The following SPDYA variants were observed in gnomAD, a reference collection of about 807,000 sequenced individuals.
SPDYA encodes speedy/RINGO cell cycle regulator family member A.
Under a neutral mutation model 36.7 loss-of-function variants are expected in SPDYA, and 11 were observed. That is an observed-to-expected ratio of 0.30 (90% CI 0.19 to 0.50). The LOEUF (loss-of-function observed/expected upper bound fraction) is 0.50, where lower values mean the gene tolerates loss of function less well. Ranked by LOEUF, SPDYA falls within the 20% of genes least tolerant of loss-of-function variation. The pLI is 0.98. For synonymous variants in SPDYA, 115 were observed against 118.7 expected (o/e 0.97, Z 0.20); for missense variants, 287 against 370.9 (o/e 0.77, Z 1.86).
chr2:28,842,685 T>C (rs1456804603), intron 7 of SPDYA, among the ~76,000 whole-genome samples: 1 of 152,178 alleles, frequency 6.6e-6, no homozygotes, highest in Admixed American at 6.6e-5. Context: ...ACTGTAAAAC[T>C]CTTTGTTTCA....
At chr2:28,841,114 T>C (rs987957977) in intron 7 of SPDYA, among the ~76,000 whole-genome samples, 2 of 151,882 alleles carry the variant, frequency 1.3e-5, no homozygotes, top group Admixed American at 6.6e-5. Context: ...TTTGTGTTTT[T>C]AGTAGTGAGG....
intron 7 of SPDYA, among the ~76,000 whole-genome samples, chr2:28,841,021 G>A (rs541521196): frequency 7.1e-6 from 1 of 140,198 alleles, no homozygotes; most frequent in East Asian, 2.4e-4. Flanking sequence ...TGCAGCCTCC[G>A]CCTCCCAGGT....
chr2:28,823,450 C>A (rs1668221715), intron 5 of SPDYA, among the ~76,000 whole-genome samples: 1 of 151,364 alleles, frequency 6.6e-6, no homozygotes, highest in East Asian at 2.0e-4. Flanking sequence ...TGGTTGAAAG[C>A]CTGTCTCTAC....
At chr2:28,837,056 C>T (rs1217126542) in intron 6 of SPDYA, among the ~76,000 whole-genome samples, 1 of 152,172 alleles carries the variant, frequency 6.6e-6, no homozygotes, top group African/African-American at 2.4e-5. Flanking sequence ...CTATCTATTA[C>T]TTGATTCCAG....
At chr2:28,835,495 C>T (rs752219711) in intron 6 of SPDYA, among the ~76,000 whole-genome samples, 1 of 152,120 alleles carries the variant, frequency 6.6e-6, no homozygotes, top group Non-Finnish European at 1.5e-5. Context: ...CCTCAGCCTC[C>T]CAGAGTGCTG....
At chr2:28,831,325 T>G (rs964308173) in intron 6 of SPDYA, among the ~76,000 whole-genome samples, 1 of 152,060 alleles carries the variant, frequency 6.6e-6, no homozygotes, top group African/African-American at 2.4e-5. Context: ...GCCACTGCCC[T>G]CCAGCCTCAG....
chr2:28,849,168 T>C (rs899391077), intron 7 of SPDYA, among the ~76,000 whole-genome samples: 6 of 152,186 alleles, frequency 3.9e-5, no homozygotes, highest in African/African-American at 1.4e-4. Context: ...AAGTTGTCCA[T>C]AGTAAGTGAA....
At chr2:28,830,343 A>G (rs1269599697) in intron 6 of SPDYA, among the ~76,000 whole-genome samples, 1 of 151,218 alleles carries the variant, frequency 6.6e-6, no homozygotes, top group Non-Finnish European at 1.5e-5. Context: ...AGCTGGGACT[A>G]CAGGCGCCCG....
rs1173275026 is a variant in SPDYA at position 28,816,106 on chromosome 2, C to G, written c.92C>G (p.Pro31Arg). Residue 31 changes from proline to arginine, a missense_variant, in exon 3 of 8, where the codon CCC becomes CGC. Transcript: ENST00000334056. The part of the protein sequence containing the change: ...GSNRSHQPKK[P>R]ITLKRPICKD... ...AATAGATCACATCAGCCTAAAAAGCCCATTACTCTGAAGCGTCCTATTTGT... is the reference window on the plus strand; with the variant it reads ...AATAGATCACATCAGCCTAAAAAGCGCATTACTCTGAAGCGTCCTATTTGT... 5 of 1,613,814 alleles carry G rather than the reference C, an allele frequency of 3.1e-6. No homozygotes were observed. The highest frequency in any genetic ancestry group is 3.4e-6 in the Non-Finnish European group (4 of 1,179,984).
intron 5 of SPDYA, among the ~76,000 whole-genome samples, chr2:28,823,794 G>A: frequency 2.5e-5 from 3 of 121,442 alleles, no homozygotes; most frequent in Non-Finnish European, 5.1e-5. Flanking sequence ...CACCCAGGCT[G>A]GAGTGCAGTG....
At chr2:28,812,613 T>G (rs1384954197) in intron 1 of SPDYA, among the ~76,000 whole-genome samples, 2 of 151,800 alleles carry the variant, frequency 1.3e-5, no homozygotes, top group Admixed American at 1.3e-4. Context: ...TCCCAGCGCT[T>G]TGGGAGGCCG....
chr2:28,828,489 A>T (rs1668389610), intron 5 of SPDYA, among the ~76,000 whole-genome samples: 1 of 152,214 alleles, frequency 6.6e-6, no homozygotes, highest in Admixed American at 6.5e-5. Flanking sequence ...CTTTTTGAAC[A>T]TACAGAATAG....
intron 7 of SPDYA, among the ~76,000 whole-genome samples, chr2:28,841,282 T>A (rs1668745896): frequency 6.6e-6 from 1 of 151,782 alleles, no homozygotes; most frequent in African/African-American, 2.4e-5. Flanking sequence ...ATAATTTCTT[T>A]ATATATTTCA....
At chr2:28,818,309 TGAA>T (rs988928408) in intron 3 of SPDYA, among the ~76,000 whole-genome samples, 1 of 151,992 alleles carries the variant, frequency 6.6e-6, no homozygotes, top group Admixed American at 6.6e-5. Context: ...TTACTTAAAA[TGAA>T]GAAGAGGAGC....
intron 1 of SPDYA, among the ~76,000 whole-genome samples, chr2:28,813,757 G>A (rs776593122): frequency 1.3e-5 from 2 of 151,942 alleles, no homozygotes; most frequent in Non-Finnish European, 2.9e-5. Context: ...TCACCATGTC[G>A]GTCAGGCTGG....
chr2:28,844,801 C>T (rs1024456606), intron 7 of SPDYA, among the ~76,000 whole-genome samples: 2 of 151,726 alleles, frequency 1.3e-5, no homozygotes, highest in East Asian at 1.9e-4. Flanking sequence ...GGGCATGGTG[C>T]GGGTGCCTGT....
chr2:28,840,585 T>A (rs1460253453), intron 7 of SPDYA, 116 bp downstream of exon 7: 2 of 1,437,920 alleles, frequency 1.4e-6, no homozygotes, highest in Non-Finnish European at 1.8e-6. Context: ...ATGAGTTAAA[T>A]TAATCTTGAA....
At chr2:28,822,699 C>T (rs1435580942) in intron 5 of SPDYA, among the ~76,000 whole-genome samples, 2 of 152,092 alleles carry the variant, frequency 1.3e-5, no homozygotes, top group African/African-American at 4.8e-5. Context: ...CCTCTGACTC[C>T]CTGGTTCAAG....
chr2:28,818,003 CA>C (rs61620093), intron 3 of SPDYA, among the ~76,000 whole-genome samples: 66 of 144,448 alleles, frequency 4.6e-4, no homozygotes, highest in East Asian at 6.2e-4. Context: ...CTCTACAATA[CA>C]AAAAAAAAAA....
Sources: allele counts gnomAD v4.1 joint callset (sites outside exome capture counted in the v4.1 genomes callset), GRCh38; gene constraint gnomAD v4.1.1; transcripts MANE v1.5; gene names NCBI Gene and HGNC (gene_info 2026-07-23, HGNC 2026-07-21).